GLT1D1: variants seen among roughly 807,000 people sequenced by gnomAD.
GLT1D1 encodes the protein glycosyltransferase 1 domain-containing protein 1.
GLT1D1 carries 21 observed loss-of-function variants against 28.7 expected under a neutral mutation model. That is an observed-to-expected ratio of 0.73 (90% CI 0.52 to 1.05). GLT1D1 has a LOEUF of 1.05. GLT1D1 is among the 50% of genes least tolerant of loss of function. GLT1D1 has a pLI of 0.00. For missense variants in GLT1D1, 343 were observed against 330.6 expected (o/e 1.04, Z -0.29); for synonymous variants, 147 against 124.8 (o/e 1.18, Z -1.19).
chr12:128,984,945 G>A lies in GLT1D1; in HGVS notation c.*1855G>A, dbSNP rs1880645266. 2 of 152,168 alleles carry A rather than the reference G, an allele frequency of 1.3e-5. No homozygotes were observed. The allele number at this position is 152,168 out of a possible 1,614,324, so 9.4% of individuals were successfully genotyped here. A position where few individuals can be genotyped will look rare whatever the true frequency, so the allele number is the denominator to read the frequency against. ...GGGCGTGTTTTTAAATTAATAAAGT[G>A]TGTCACCATTAGCCATACGAAAATA... is the stretch of plus-strand genomic sequence containing the variant. On this transcript the variant is annotated 3_prime_UTR_variant, in exon 8 of 8. Coordinates refer to ENST00000281703, the MANE Select transcript of GLT1D1 (RefSeq NM_144669.3).
intron 7 of GLT1D1, among the ~76,000 whole-genome samples, chr12:128,968,017 G>C (rs1411974195): frequency 2.6e-5 from 4 of 152,038 alleles, no homozygotes; most frequent in Non-Finnish European, 5.9e-5. Flanking sequence ...TTTTTTTTGA[G>C]ACAGAGTCTC....
intron 7 of GLT1D1, among the ~76,000 whole-genome samples, chr12:128,967,417 C>T (rs1158323826): frequency 6.6e-5 from 10 of 152,226 alleles, no homozygotes; most frequent in Non-Finnish European, 1.5e-4. Flanking sequence ...TGATCCTGGA[C>T]ACCTCTCCTG....
chr12:128,859,553 C>T (rs1414723512), intron 1 of GLT1D1, among the ~76,000 whole-genome samples: 1 of 152,108 alleles, frequency 6.6e-6, no homozygotes, highest in Non-Finnish European at 1.5e-5. Flanking sequence ...AGCCCCTCCC[C>T]AAGAGTGACC....
intron 4 of GLT1D1, among the ~76,000 whole-genome samples, chr12:128,909,667 T>C (rs1382317825): frequency 6.6e-6 from 1 of 152,240 alleles, no homozygotes. Context: ...CTCTGGCTTA[T>C]GTTTAGTCAA....
chr12:128,968,035 C>G (rs1235817919), intron 7 of GLT1D1, among the ~76,000 whole-genome samples: 1 of 152,048 alleles, frequency 6.6e-6, no homozygotes, highest in East Asian at 1.9e-4. Flanking sequence ...CTCGCTCTGT[C>G]GCCCAGGCTG....
intron 7 of GLT1D1, among the ~76,000 whole-genome samples, chr12:128,959,447 G>T: frequency 9.3e-6 from 1 of 107,106 alleles, no homozygotes; most frequent in African/African-American, 3.4e-5. Flanking sequence ...AGCGGGGTGG[G>T]GAACGGCGGG....
At chr12:128,903,844 C>T (rs1566118372) in intron 4 of GLT1D1, among the ~76,000 whole-genome samples, 1 of 151,850 alleles carries the variant, frequency 6.6e-6, no homozygotes, top group Non-Finnish European at 1.5e-5. Context: ...TATTCTCCTG[C>T]CTCAGCCTCC....
At chr12:128,873,905 TTC>T (rs539646014) in intron 1 of GLT1D1, among the ~76,000 whole-genome samples, 8 of 132,646 alleles carry the variant, frequency 6.0e-5, no homozygotes, top group African/African-American at 1.6e-4. Flanking sequence ...CCCTTTCTCT[TTC>T]TTTCTCTCTT....
At chr12:128,861,082 C>CT (rs2135758882) in intron 1 of GLT1D1, among the ~76,000 whole-genome samples, 2 of 151,586 alleles carry the variant, frequency 1.3e-5, no homozygotes, top group East Asian at 3.9e-4. Flanking sequence ...CAAAGGGTGC[C>CT]CCCCGTTATG....
intron 7 of GLT1D1, among the ~76,000 whole-genome samples, chr12:128,961,925 C>A (rs1565915858): frequency 6.6e-6 from 1 of 152,192 alleles, no homozygotes; most frequent in East Asian, 1.9e-4. Context: ...ATAACACTCA[C>A]TCTGTGAGTC....
At chr12:128,856,882 G>C (rs1356515599) in intron 1 of GLT1D1, among the ~76,000 whole-genome samples, 4 of 148,528 alleles carry the variant, frequency 2.7e-5, no homozygotes, top group Non-Finnish European at 5.9e-5. Flanking sequence ...CTCAAGAATC[G>C]CTTGACCTGC....
intron 2 of GLT1D1, among the ~76,000 whole-genome samples, chr12:128,882,994 C>T (rs1263852940): frequency 3.3e-5 from 5 of 150,340 alleles, no homozygotes; most frequent in East Asian, 2.0e-4. Context: ...GGTGGGATCT[C>T]GGCTCACCGC....
rs574096877 is a variant in GLT1D1 at position 128,875,819 on chromosome 12, A to G, written c.69-95A>G. The G allele has an allele frequency of 8.8e-6, 10 of 1,139,182 alleles. No homozygotes were observed. The Admixed American group carries it at 1.2e-4, about 13-fold the overall frequency. The allele number at this position is 1,139,182 out of a possible 1,614,324, so 70.6% of individuals were successfully genotyped here. ...CTGTCTCAACAACAACAACAACAAC[A>G]ACCAAAAAAAAAAAAAGTCTTAACT... is the stretch of plus-strand genomic sequence containing the variant. On this transcript the variant is annotated intron_variant, in intron 1 of 7. Coordinates refer to ENST00000281703, the MANE Select transcript of GLT1D1 (RefSeq NM_144669.3).
Position 128,957,621 on chromosome 12 carries a change from G to C in GLT1D1, c.617G>C (p.Gly206Ala), listed in dbSNP as rs1355247750. 2 of 1,612,794 alleles carry C rather than the reference G, an allele frequency of 1.2e-6. No homozygotes were observed. The highest frequency in any genetic ancestry group is 3.3e-5 in the Admixed American group (2 of 60,002). ...GCCGTGGTGAAGCATGAAGTCACAG[G>C]GCTACTGTTTTCCAATCCTCAGGTA... is the stretch of plus-strand genomic sequence containing the variant. The change falls in exon 7 of 8, where the codon GGG becomes GCG. Residue 206 changes from glycine (G) to alanine (A), a missense_variant. Gly to Ala is a moderately conservative substitution (Grantham distance 60, BLOSUM62 0). Coordinates refer to ENST00000281703, the MANE Select transcript of GLT1D1 (RefSeq NM_144669.3).
chr12:128,859,343 C>T (rs1169969615), intron 1 of GLT1D1, among the ~76,000 whole-genome samples: 2 of 152,204 alleles, frequency 1.3e-5, no homozygotes, highest in Non-Finnish European at 2.9e-5. Flanking sequence ...GTCACGCAGC[C>T]TTCACAGCAC....
intron 7 of GLT1D1, among the ~76,000 whole-genome samples, chr12:128,982,082 C>T (rs958919567): frequency 2.0e-5 from 3 of 152,146 alleles, no homozygotes; most frequent in African/African-American, 7.2e-5. Context: ...AGCAGGAGCA[C>T]TCTTTCATTG....
intron 1 of GLT1D1, among the ~76,000 whole-genome samples, chr12:128,857,412 ATGT>A (rs1956249263): frequency 6.6e-6 from 1 of 152,232 alleles, no homozygotes; most frequent in African/African-American, 2.4e-5. Flanking sequence ...TCAGGCTTTG[ATGT>A]TTATTCAGAC....
chr12:128,933,462 G>A (rs1281799075), intron 4 of GLT1D1, among the ~76,000 whole-genome samples: 3 of 152,236 alleles, frequency 2.0e-5, no homozygotes, highest in African/African-American at 7.2e-5. Context: ...ATGATATGCT[G>A]TTCTATTCTA....
intron 4 of GLT1D1, among the ~76,000 whole-genome samples, chr12:128,927,483 ACG>A (rs34627025): frequency 0.16 from 23,755 of 151,654 alleles, 2,368 homozygotes; most frequent in Non-Finnish European, 0.23. Context: ...TGTGATCCAC[ACG>A]CCTCGGCCTC....
Sources: allele counts gnomAD v4.1 joint callset (sites outside exome capture counted in the v4.1 genomes callset), GRCh38; gene constraint gnomAD v4.1.1; transcripts MANE v1.5; gene names NCBI Gene and HGNC (gene_info 2026-07-23, HGNC 2026-07-21).